The following ACYP2 variants were observed in gnomAD, a reference collection of about 807,000 sequenced individuals.
The protein encoded by ACYP2 is acylphosphatase-2.
A neutral mutation model predicts 11.2 loss-of-function variants in ACYP2; 12 were observed. The observed-to-expected ratio is 1.08, with a 90% CI of 0.69 to 1.74. The LOEUF (loss-of-function observed/expected upper bound fraction) is 1.74. Ranked by LOEUF, ACYP2 falls within the 40% of genes most tolerant of loss-of-function variation. The pLI is 0.00. For missense variants in ACYP2, 134 were observed against 101.9 expected (o/e 1.31, Z -1.35); for synonymous variants, 43 against 32.2 (o/e 1.33, Z -1.13).
At chr2:54,175,274 G>A (rs893197774) in intron 6 of ACYP2, among the ~76,000 whole-genome samples, 4 of 152,046 alleles carry the variant, frequency 2.6e-5, no homozygotes, top group Admixed American at 6.6e-5. Flanking sequence ...TGTATGTGTC[G>A]AGGAATTTAT....
At chr2:54,204,025 C>T (rs143405988) in intron 6 of ACYP2, among the ~76,000 whole-genome samples, 2,373 of 152,184 alleles carry the variant, frequency 0.016, 35 homozygotes, top group South Asian at 0.031. Context: ...GACGGAGTCT[C>T]GCTCTGTCAC....
At position 54,223,740 on chromosome 2, in the gene ACYP2, T is replaced by C. The variant is rs567933146; in HGVS notation, c.405-80948T>C. On this transcript the variant is annotated intron_variant, in intron 6 of 6. Transcript: ENST00000607452. ...AAAAGAACTTTAGTTCTCACTCATT[T>C]CTAATATAATTTTAATTAGTTCATC... Among the ~76,000 whole-genome samples the C allele has an allele frequency of 4.6e-5, 7 of 152,330 alleles. No homozygotes were observed. The South Asian group carries it at 1.4e-3, about 32-fold the overall frequency.
intron 6 of ACYP2, among the ~76,000 whole-genome samples, chr2:54,276,092 C>T (rs887206441): frequency 2.6e-5 from 4 of 151,996 alleles, no homozygotes; most frequent in Non-Finnish European, 5.9e-5. Flanking sequence ...TACTGTACCC[C>T]GATAATCATT....
chr2:54,148,220 A>G (rs1336485446), intron 6 of ACYP2, among the ~76,000 whole-genome samples: 1 of 152,068 alleles, frequency 6.6e-6, no homozygotes, highest in Non-Finnish European at 1.5e-5. Flanking sequence ...TACAAGGGAG[A>G]CTGAGAAATT....
chr2:54,043,224 T>C (rs1675339905), intron 2 of ACYP2, among the ~76,000 whole-genome samples: 1 of 152,202 alleles, frequency 6.6e-6, no homozygotes, highest in Non-Finnish European at 1.5e-5. Context: ...GCAAGTATAA[T>C]ATATCTTATT....
chr2:54,164,243 C>T (rs1359931250), intron 6 of ACYP2, among the ~76,000 whole-genome samples: 1 of 152,080 alleles, frequency 6.6e-6, no homozygotes, highest in East Asian at 1.9e-4. Flanking sequence ...CATGGATGCA[C>T]ACAGGAACTG....
chr2:53,980,573 A>AT (rs1671703254), intron 2 of ACYP2, among the ~76,000 whole-genome samples: 5 of 152,028 alleles, frequency 3.3e-5, no homozygotes, highest in African/African-American at 1.2e-4. Context: ...AAAAATAAAG[A>AT]AAATACCATT....
At chr2:54,040,598 G>A (rs1295256426) in intron 2 of ACYP2, among the ~76,000 whole-genome samples, 1 of 152,112 alleles carries the variant, frequency 6.6e-6, no homozygotes, top group Non-Finnish European at 1.5e-5. Flanking sequence ...CTGATAATGA[G>A]CAGCCAGAGA....
chr2:54,294,294 G>C (rs1397769125), intron 6 of ACYP2, among the ~76,000 whole-genome samples: 1 of 152,118 alleles, frequency 6.6e-6, no homozygotes, highest in Non-Finnish European at 1.5e-5. Flanking sequence ...TTGAATTATT[G>C]AAAAGACAGT....
At chr2:54,287,199 G>A (rs1290713195) in intron 6 of ACYP2, among the ~76,000 whole-genome samples, 2 of 151,870 alleles carry the variant, frequency 1.3e-5, no homozygotes, top group South Asian at 2.1e-4. Context: ...TTCTTCCAAG[G>A]TGGCACCTTG....
chr2:54,196,444 T>C (rs1453019929), intron 6 of ACYP2, among the ~76,000 whole-genome samples: 1 of 152,238 alleles, frequency 6.6e-6, no homozygotes, highest in Non-Finnish European at 1.5e-5. Flanking sequence ...TATGGCTTTG[T>C]TTCTGTGGTA....
chr2:54,173,818 C>T (rs575045581), intron 6 of ACYP2, among the ~76,000 whole-genome samples: 41 of 152,270 alleles, frequency 2.7e-4, no homozygotes, highest in African/African-American at 8.7e-4. Context: ...TTGCTTGTTT[C>T]TGTCAGGTTT....
chr2:54,004,611 A>G (rs556325853), intron 2 of ACYP2, among the ~76,000 whole-genome samples: 1 of 150,292 alleles, frequency 6.7e-6, no homozygotes, highest in Non-Finnish European at 1.5e-5. Flanking sequence ...CGGGTTTCAC[A>G]GTGTTAGCCA....
intron 6 of ACYP2, among the ~76,000 whole-genome samples, chr2:54,150,815 G>C (rs573234468): frequency 4.8e-5 from 7 of 144,480 alleles, no homozygotes; most frequent in South Asian, 4.4e-4. Flanking sequence ...AATCTTGGCT[G>C]ACTGCAAGCT....
At chr2:54,223,581 G>A (rs1396765451) in intron 6 of ACYP2, among the ~76,000 whole-genome samples, 1 of 152,172 alleles carries the variant, frequency 6.6e-6, no homozygotes, top group African/African-American at 2.4e-5. Context: ...ACAACACTGT[G>A]TTGGAAATGG....
intron 6 of ACYP2, among the ~76,000 whole-genome samples, chr2:54,186,543 C>G (rs960723053): frequency 6.6e-6 from 1 of 151,968 alleles, no homozygotes; most frequent in Non-Finnish European, 1.5e-5. Context: ...GATGGAGTTT[C>G]GCTCTTGTTG....
At chr2:54,285,164 G>T (rs1442058347) in intron 6 of ACYP2, among the ~76,000 whole-genome samples, 2 of 152,092 alleles carry the variant, frequency 1.3e-5, no homozygotes, top group Non-Finnish European at 2.9e-5. Context: ...TAAGGGTACT[G>T]GTCCCTTTGG....
At chr2:53,995,891 G>T (rs1452040871) in intron 2 of ACYP2, among the ~76,000 whole-genome samples, 1 of 152,174 alleles carries the variant, frequency 6.6e-6, no homozygotes, top group Non-Finnish European at 1.5e-5. Flanking sequence ...CCAGCACGTG[G>T]GGAGGCCGAG....
At chr2:54,115,805 G>A in intron 4 of ACYP2, 49 bp downstream of exon 1, 1 of 1,524,486 alleles carries the variant, frequency 6.6e-7, no homozygotes, top group Non-Finnish European at 8.8e-7. Context: ...TGGGAGGAAG[G>A]GGAGAAAGCT....
Sources: allele counts gnomAD v4.1 joint callset (sites outside exome capture counted in the v4.1 genomes callset), GRCh38; gene constraint gnomAD v4.1.1; transcripts MANE v1.5; gene names NCBI Gene and HGNC (gene_info 2026-07-23, HGNC 2026-07-21).